Variants in PTPRJ observed in about 807,000 individuals in gnomAD.
The protein encoded by PTPRJ is protein tyrosine phosphatase receptor type J.
In PTPRJ, 129 loss-of-function variants were observed where a neutral mutation model predicts 141.3. The ratio of observed to expected loss-of-function variants is 0.91; its 90% CI spans 0.79 to 1.06. The LOEUF (loss-of-function observed/expected upper bound fraction) is 1.06, where lower values mean the gene tolerates loss of function less well. Ranked by LOEUF, PTPRJ falls within the 50% of genes least tolerant of loss-of-function variation. The probability of loss-of-function intolerance (pLI) is 0.00; values close to 1 mark genes in which losing one functional copy is unlikely to be tolerated. For synonymous variants in PTPRJ, 610 were observed against 640.5 expected, an observed-to-expected ratio of 0.95 and a Z score of 0.72; for missense variants, 1,601 against 1,679.7, an observed-to-expected ratio of 0.95 and a Z score of 0.82.
At chr11:48,032,773 AAAAC>A (rs1854016015) in intron 1 of PTPRJ, among the ~76,000 whole-genome samples, 1 of 152,194 alleles carries the variant, frequency 6.6e-6, no homozygotes, top group South Asian at 2.1e-4. Flanking sequence ...AAACAAAACA[AAAAC>A]AACAAAAAAC....
chr11:48,054,380 A>G (rs546372534), intron 1 of PTPRJ, among the ~76,000 whole-genome samples: 4 of 152,330 alleles, frequency 2.6e-5, no homozygotes, highest in Admixed American at 2.0e-4. Context: ...CAGAAACTCT[A>G]TGAAGGAGAG....
chr11:48,020,236 C>T (rs1855078282), intron 1 of PTPRJ, among the ~76,000 whole-genome samples: 5 of 152,150 alleles, frequency 3.3e-5, no homozygotes, highest in South Asian at 2.1e-4. Flanking sequence ...GGGTACGTCT[C>T]CACCTTGCGT....
In PTPRJ at chr11:48,143,124, G is replaced by A; in HGVS notation, c.2575+74G>A. The A allele has an allele frequency of 2.5e-6, 4 of 1,569,502 alleles. No individual in the cohort carries two copies. In the East Asian group the frequency reaches 6.8e-5, roughly 27 times the overall value. On this transcript the variant is annotated intron_variant, in intron 12 of 24. Transcript: ENST00000418331. ...CCAGAGCTTTCTCTGTGCCCACTGAGGCATGTGAGTAATGCAGACACACGC... is the reference window on the plus strand; with the variant it reads ...CCAGAGCTTTCTCTGTGCCCACTGAAGCATGTGAGTAATGCAGACACACGC...
At chr11:48,159,503 G>A (rs1452251400) in intron 21 of PTPRJ, among the ~76,000 whole-genome samples, 1 of 152,058 alleles carries the variant, frequency 6.6e-6, no homozygotes, top group Non-Finnish European at 1.5e-5. Context: ...CTGAAAGCAG[G>A]GCCTGTTGTA....
In PTPRJ at chr11:48,085,894, G is replaced by T. The variant is rs182982015; in HGVS notation, c.97-24164G>T. Among the ~76,000 whole-genome samples the T allele has an allele frequency of 2.7e-4, 41 of 152,282 alleles. 1 individual carries two copies. The highest frequency in any genetic ancestry group is 2.7e-3 in the Admixed American group (41 of 15,286). On this transcript the variant is annotated intron_variant, in intron 1 of 24. Transcript: ENST00000418331. ...AGAGGTTTGCCTTTCCAGCTGCGGC[G>T]GGGCTTTGGGCAAGTTGCTGTCTCT...
chr11:48,104,971 G>T (rs1163033141), intron 1 of PTPRJ, among the ~76,000 whole-genome samples: 1 of 152,126 alleles, frequency 6.6e-6, no homozygotes, highest in Non-Finnish European at 1.5e-5. Flanking sequence ...GGAAAATGGG[G>T]ATAAACACAG....
chr11:48,146,483 G>A (rs933815528), intron 14 of PTPRJ, among the ~76,000 whole-genome samples: 5 of 152,178 alleles, frequency 3.3e-5, no homozygotes, highest in African/African-American at 1.2e-4. Context: ...TGTCACCTGA[G>A]CATGGATGCT....
chr11:48,156,796 A>G (rs1308876158), intron 21 of PTPRJ, among the ~76,000 whole-genome samples: 4 of 151,954 alleles, frequency 2.6e-5, no homozygotes, highest in Non-Finnish European at 5.9e-5. Flanking sequence ...TGTGTTGCCC[A>G]GGCTGGTGTC....
chr11:48,044,641 C>T (rs1318671371), intron 1 of PTPRJ, among the ~76,000 whole-genome samples: 3 of 152,200 alleles, frequency 2.0e-5, no homozygotes, highest in Admixed American at 2.0e-4. Flanking sequence ...AGACTTGTTT[C>T]AGATCGTAAG....
chr11:47,983,381 G>A (rs2134170490), intron 1 of PTPRJ, among the ~76,000 whole-genome samples: 1 of 152,316 alleles, frequency 6.6e-6, no homozygotes, highest in African/African-American at 2.4e-5. Flanking sequence ...CCTGGATTGT[G>A]TGTGTATGTG....
intron 24 of PTPRJ, among the ~76,000 whole-genome samples, chr11:48,165,114 A>G (rs138255331): frequency 9.5e-4 from 144 of 152,340 alleles, no homozygotes; most frequent in African/African-American, 3.3e-3. Flanking sequence ...ATCTTAGGAC[A>G]TCTTTGAACT....
intron 1 of PTPRJ, among the ~76,000 whole-genome samples, chr11:48,079,390 G>A (rs1242355752): frequency 6.6e-6 from 1 of 152,040 alleles, no homozygotes; most frequent in African/African-American, 2.4e-5. Flanking sequence ...GTGGAAGGGT[G>A]AAAGGGTTGT....
intron 1 of PTPRJ, among the ~76,000 whole-genome samples, chr11:48,068,894 A>C (rs1161425778): frequency 6.6e-6 from 1 of 152,186 alleles, no homozygotes; most frequent in Admixed American, 6.5e-5. Flanking sequence ...AAAGGCATGG[A>C]AACTGCCTTT....
chr11:48,119,103 T>C (rs1395301335), intron 3 of PTPRJ, among the ~76,000 whole-genome samples: 2 of 151,928 alleles, frequency 1.3e-5, no homozygotes, highest in Non-Finnish European at 2.9e-5. Context: ...AACATACTTG[T>C]ACAGCATCTG....
intron 1 of PTPRJ, among the ~76,000 whole-genome samples, chr11:48,016,717 GCA>G: frequency 6.6e-6 from 1 of 152,082 alleles, no homozygotes; most frequent in Non-Finnish European, 1.5e-5. Flanking sequence ...CTTTTGTCTG[GCA>G]TTAACCACAT....
chr11:48,087,938 C>G (rs1230245494), intron 1 of PTPRJ, among the ~76,000 whole-genome samples: 1 of 152,210 alleles, frequency 6.6e-6, no homozygotes, highest in Non-Finnish European at 1.5e-5. Flanking sequence ...AGCAAGGTCC[C>G]TGCATGTATG....
chr11:48,003,179 C>T (rs1186855503), intron 1 of PTPRJ, among the ~76,000 whole-genome samples: 2 of 152,184 alleles, frequency 1.3e-5, no homozygotes, highest in Non-Finnish European at 2.9e-5. Context: ...CTACAGAATA[C>T]TGCATGAAAT....
intron 11 of PTPRJ, among the ~76,000 whole-genome samples, chr11:48,142,330 C>CT (rs1310711692): frequency 6.6e-6 from 1 of 152,050 alleles, no homozygotes; most frequent in East Asian, 1.9e-4. Context: ...TATTCCTGGT[C>CT]TTTGATTGTT....
chr11:48,058,865 C>T (rs987806847), intron 1 of PTPRJ, among the ~76,000 whole-genome samples: 18 of 152,300 alleles, frequency 1.2e-4, no homozygotes, highest in East Asian at 3.9e-4. Flanking sequence ...GATCTGCCCC[C>T]GGCAGCTCCC....
Sources: gnomAD v4.1 joint callset for allele counts (sites outside exome capture counted in the v4.1 genomes callset) on GRCh38, gnomAD v4.1.1 for gene constraint, MANE v1.5 for transcripts, NCBI Gene and HGNC (gene_info 2026-07-23, HGNC 2026-07-21) for gene names.